CCDC171: variants seen among roughly 807,000 people sequenced by gnomAD.
The protein encoded by CCDC171 is coiled-coil domain containing 171, also known as coiled-coil domain-containing protein 171.
CCDC171 carries 177 observed loss-of-function variants against 168.2 expected under a neutral mutation model. The ratio of observed to expected loss-of-function variants is 1.05; its 90% CI spans 0.93 to 1.19. The LOEUF is 1.19. Among genes scored for constraint, CCDC171 ranks in the 50% most tolerant of loss-of-function variants. CCDC171 has a pLI of 0.00. For missense variants in CCDC171, 1,991 were observed against 1,539.0 expected, an observed-to-expected ratio of 1.29 and a Z score of -4.91; for synonymous variants, 687 against 540.8, an observed-to-expected ratio of 1.27 and a Z score of -3.75.
chr9:15,697,637 G>T (rs1051979510), intron 11 of CCDC171, among the ~76,000 whole-genome samples: 1 of 152,142 alleles, frequency 6.6e-6, no homozygotes, highest in African/African-American at 2.4e-5. Context: ...ATACTATAGT[G>T]TAGTCCATTA....
chr9:15,567,622 A>G (rs2039856496), intron 2 of CCDC171, among the ~76,000 whole-genome samples: 1 of 152,100 alleles, frequency 6.6e-6, no homozygotes. Flanking sequence ...ACTCCTTTGA[A>G]CAACATTTTG....
chr9:15,783,563 A>G (rs1249411472), intron 20 of CCDC171, among the ~76,000 whole-genome samples: 6 of 152,172 alleles, frequency 3.9e-5, no homozygotes, highest in African/African-American at 1.2e-4. Flanking sequence ...AGTTTTCCAC[A>G]TATATTTCTC....
chr9:15,613,041 G>C (rs1425194521), intron 6 of CCDC171, among the ~76,000 whole-genome samples: 1 of 152,128 alleles, frequency 6.6e-6, no homozygotes, highest in Non-Finnish European at 1.5e-5. Flanking sequence ...TTTTTGTGTT[G>C]ACATAGATTT....
intron 21 of CCDC171, among the ~76,000 whole-genome samples, chr9:15,820,731 G>T (rs547867761): frequency 8.5e-6 from 1 of 117,122 alleles, no homozygotes; most frequent in Non-Finnish European, 1.9e-5. Context: ...GGACCAGATG[G>T]ATTCACAGCC....
chr9:15,853,630 G>C (rs2061228755), intron 23 of CCDC171, among the ~76,000 whole-genome samples: 3 of 151,542 alleles, frequency 2.0e-5, no homozygotes, highest in African/African-American at 7.3e-5. Flanking sequence ...CCAGTATGGT[G>C]TTGAATAGAC....
intron 3 of CCDC171, among the ~76,000 whole-genome samples, chr9:15,984,550 A>G (rs1402237130): frequency 1.3e-5 from 2 of 152,122 alleles, no homozygotes; most frequent in Non-Finnish European, 1.5e-5. Flanking sequence ...GGAAATAGCT[A>G]GAGAGCTAGA....
chr9:15,949,316 G>A (rs1828827911), intron 25 of CCDC171, among the ~76,000 whole-genome samples: 1 of 152,014 alleles, frequency 6.6e-6, no homozygotes, highest in Non-Finnish European at 1.5e-5. Context: ...GCTTTTTTTG[G>A]TTCCATATGA....
chr9:15,930,218 C>G (rs1199671654), intron 25 of CCDC171, among the ~76,000 whole-genome samples: 1 of 151,582 alleles, frequency 6.6e-6, no homozygotes, highest in African/African-American at 2.4e-5. Flanking sequence ...TTTGCATAAA[C>G]CATGATTCCC....
chr9:15,628,460 G>T (rs966326332), intron 7 of CCDC171, among the ~76,000 whole-genome samples: 2 of 152,230 alleles, frequency 1.3e-5, no homozygotes, highest in Admixed American at 1.3e-4. Context: ...CTGCAAGGCG[G>T]CAGCGAGGCT....
intron 7 of CCDC171, among the ~76,000 whole-genome samples, chr9:15,632,342 T>C (rs1475768920): frequency 6.6e-6 from 1 of 151,914 alleles, no homozygotes; most frequent in Non-Finnish European, 1.5e-5. Flanking sequence ...ACAAAATCAA[T>C]GTACAAAAAT....
chr9:15,745,371 CATTTA>C, intron 17 of CCDC171, 139 bp from the exon 18 acceptor site: 1 of 448,314 alleles, frequency 2.2e-6, no homozygotes, highest in South Asian at 6.3e-5. Context: ...GCTAATCTAA[CATTTA>C]ATAGATTTTT....
chr9:15,635,293 A>T (rs2046116798), intron 7 of CCDC171, among the ~76,000 whole-genome samples: 1 of 152,274 alleles, frequency 6.6e-6, no homozygotes, highest in African/African-American at 2.4e-5. Flanking sequence ...TTATCATTTT[A>T]TGTGCTTATT....
chr9:15,755,147 AG>A (rs1313797874), intron 18 of CCDC171, among the ~76,000 whole-genome samples: 1 of 152,178 alleles, frequency 6.6e-6, no homozygotes, highest in African/African-American at 2.4e-5. Context: ...CCCAGATAAT[AG>A]GAAGTCTAGA....
chr9:15,678,742 C>G lies in CCDC171; in HGVS notation c.1077-16C>G, dbSNP rs1295239654. ...AGCATGTTTGAAAAACCTGCTCTGACACTTTAACTTTTCAGATTAGAAAAA... is the reference window on the plus strand; with the variant it reads ...AGCATGTTTGAAAAACCTGCTCTGAGACTTTAACTTTTCAGATTAGAAAAA... On this transcript the variant is annotated splice_polypyrimidine_tract_variant and intron_variant, in intron 9 of 25. Coordinates refer to ENST00000380701, the MANE Select transcript of CCDC171 (RefSeq NM_173550.4). The G allele has an allele frequency of 1.3e-5, 20 of 1,573,740 alleles. No individual in the cohort carries two copies. The highest frequency in any genetic ancestry group is 2.0e-5 in the Admixed American group (1 of 49,016).
At chr9:16,096,046 A>G in the CCDC171 span, among the ~76,000 whole-genome samples, 1 of 152,056 alleles carries the variant, frequency 6.6e-6, no homozygotes, top group South Asian at 2.1e-4. Context: ...ATCATAGTAA[A>G]TAATGGTCCC....
intron 11 of CCDC171, among the ~76,000 whole-genome samples, chr9:15,695,624 A>C (rs1172004809): frequency 6.6e-6 from 1 of 152,204 alleles, no homozygotes; most frequent in Non-Finnish European, 1.5e-5. Context: ...CTGAGAAAAA[A>C]GTCCTTACAG....
intron 24 of CCDC171, among the ~76,000 whole-genome samples, chr9:15,898,583 T>G (rs1374800667): frequency 6.6e-6 from 1 of 152,192 alleles, no homozygotes; most frequent in Non-Finnish European, 1.5e-5. Context: ...TAAACAAAAT[T>G]TTAATGTTTT....
intron 9 of CCDC171, among the ~76,000 whole-genome samples, chr9:15,672,449 T>C (rs575563640): frequency 7.9e-5 from 12 of 152,228 alleles, no homozygotes; most frequent in Non-Finnish European, 1.6e-4. Context: ...TGAATGGTTT[T>C]GCATAGGTTT....
chr9:15,846,292 A>G (rs990069195), intron 21 of CCDC171, among the ~76,000 whole-genome samples: 2 of 152,068 alleles, frequency 1.3e-5, no homozygotes, highest in South Asian at 2.1e-4. Flanking sequence ...AATCACATGC[A>G]TAGTTTGGGC....
Sources: gnomAD v4.1 joint callset for allele counts (sites outside exome capture counted in the v4.1 genomes callset) on GRCh38, gnomAD v4.1.1 for gene constraint, MANE v1.5 for transcripts, NCBI Gene and HGNC (gene_info 2026-07-23, HGNC 2026-07-21) for gene names.